Variants in AKR1C8 observed in about 807,000 individuals in gnomAD.
AKR1C8 encodes the protein aldo-keto reductase family 1 member C-like protein 1.
chr10:5,149,181 A>T, the AKR1C8 span, among the ~76,000 whole-genome samples: 1 of 152,134 alleles, frequency 6.6e-6, no homozygotes, highest in Admixed American at 6.5e-5. Flanking sequence ...GACCAGATAA[A>T]TTGTAGTAAG....
chr10:5,156,723 A>T, the AKR1C8 span, among the ~76,000 whole-genome samples: 3 of 152,196 alleles, frequency 2.0e-5, no homozygotes, highest in African/African-American at 7.2e-5. Flanking sequence ...TTTTTTGTTT[A>T]AGTTGTCACA....
the AKR1C8 span, among the ~76,000 whole-genome samples, chr10:5,170,108 G>A: frequency 6.6e-6 from 1 of 152,020 alleles, no homozygotes; most frequent in Non-Finnish European, 1.5e-5. Flanking sequence ...ATTAGTTGTT[G>A]GCACCAGCAG....
chr10:5,152,633 G>A, the AKR1C8 span, among the ~76,000 whole-genome samples: 2 of 152,188 alleles, frequency 1.3e-5, no homozygotes, highest in African/African-American at 4.8e-5. Flanking sequence ...TAGTTTCTGT[G>A]GCTAGCCTTG....
chr10:5,181,678 GATGTCTAAGATTCTA>G, the AKR1C8 span, among the ~76,000 whole-genome samples: 1 of 152,130 alleles, frequency 6.6e-6, no homozygotes, highest in East Asian at 1.9e-4. Context: ...AACCATATAA[GATGTCTAAGATTCTA>G]ATGTCTAAAT....
the AKR1C8 span, among the ~76,000 whole-genome samples, chr10:5,121,051 G>A: frequency 6.6e-6 from 1 of 151,790 alleles, no homozygotes; most frequent in Non-Finnish European, 1.5e-5. Flanking sequence ...TTTTTTTTAA[G>A]TGAAGCATAA....
At chr10:5,153,437 C>T in the AKR1C8 span, among the ~76,000 whole-genome samples, 6,333 of 152,186 alleles carry the variant, frequency 0.042, 203 homozygotes, top group Non-Finnish European at 0.062. Context: ...TTGATTATTT[C>T]AAGTTTATAA....
chr10:5,155,727 T>G, the AKR1C8 span: 1 of 477,744 alleles, frequency 2.1e-6, no homozygotes, highest in South Asian at 1.6e-5. Context: ...ATGGCTTTCA[T>G]GTCCTCTGGA....
the AKR1C8 span, among the ~76,000 whole-genome samples, chr10:5,166,922 G>C: frequency 1.4e-5 from 2 of 146,372 alleles, no homozygotes; most frequent in Non-Finnish European, 3.0e-5. Flanking sequence ...AATCTACAAT[G>C]AACTCCAACA....
At chr10:5,117,562 C>G in the AKR1C8 span, among the ~76,000 whole-genome samples, 1 of 152,104 alleles carries the variant, frequency 6.6e-6, no homozygotes, top group African/African-American at 2.4e-5. Flanking sequence ...TAGAAACTGT[C>G]TTAGTCCATT....
chr10:5,137,316 A>G, the AKR1C8 span, among the ~76,000 whole-genome samples: 1 of 152,132 alleles, frequency 6.6e-6, no homozygotes, highest in Non-Finnish European at 1.5e-5. Context: ...TTTTAGACCA[A>G]TATCCCTGAT....
At chr10:5,122,586 C>G in the AKR1C8 span, among the ~76,000 whole-genome samples, 1 of 152,162 alleles carries the variant, frequency 6.6e-6, no homozygotes, top group African/African-American at 2.4e-5. Flanking sequence ...AAACACGGAA[C>G]AATCCCATTC....
At chr10:5,133,215 G>C in the AKR1C8 span, among the ~76,000 whole-genome samples, 33 of 151,806 alleles carry the variant, frequency 2.2e-4, 2 homozygotes, top group Admixed American at 1.8e-3. Flanking sequence ...TCTCACCTCC[G>C]TCTCCCCAAA....
At chr10:5,143,604 AAATG>A in the AKR1C8 span, among the ~76,000 whole-genome samples, 2 of 151,818 alleles carry the variant, frequency 1.3e-5, no homozygotes, top group African/African-American at 4.8e-5. Flanking sequence ...AAAATCATAA[AAATG>A]ATTTTATACA....
chr10:5,183,625 A>T, the AKR1C8 span, among the ~76,000 whole-genome samples: 43 of 152,320 alleles, frequency 2.8e-4, no homozygotes, highest in Middle Eastern at 3.4e-3. Context: ...CCGACAAAAA[A>T]ATAGCCAGAA....
the AKR1C8 span, chr10:5,154,360 G>C: frequency 4.0e-6 from 1 of 248,666 alleles, no homozygotes; most frequent in African/African-American, 2.3e-5. Context: ...ACCCACACCT[G>C]AAAAACACAA....
chr10:5,134,402 A>G, the AKR1C8 span, among the ~76,000 whole-genome samples: 1 of 152,202 alleles, frequency 6.6e-6, no homozygotes. Flanking sequence ...GCCTTGGAAT[A>G]CACGTTTTCT....
chr10:5,181,534 T>C, the AKR1C8 span, among the ~76,000 whole-genome samples: 3 of 152,284 alleles, frequency 2.0e-5, no homozygotes, highest in East Asian at 5.8e-4. Flanking sequence ...GTTTAAATAC[T>C]ACAGAAGGCC....
the AKR1C8 span, among the ~76,000 whole-genome samples, chr10:5,150,206 T>A: frequency 6.6e-6 from 1 of 152,126 alleles, no homozygotes. Flanking sequence ...CCCGTTGGAC[T>A]CCTTTCTGCA....
chr10:5,175,290 A>G, the AKR1C8 span, among the ~76,000 whole-genome samples: 6 of 151,966 alleles, frequency 3.9e-5, no homozygotes, highest in Non-Finnish European at 7.4e-5. Context: ...CCATGTACCT[A>G]CAAAGGACAT....
Sources: gnomAD v4.1 joint callset for allele counts (sites outside exome capture counted in the v4.1 genomes callset) on GRCh38, gnomAD v4.1.1 for gene constraint, MANE v1.5 for transcripts, NCBI Gene and HGNC (gene_info 2026-07-23, HGNC 2026-07-21) for gene names.